Variants in ZNF362 observed in about 807,000 individuals in gnomAD.
The protein encoded by ZNF362 is zinc finger protein 362.
ZNF362 carries 11 observed loss-of-function variants against 42.9 expected under a neutral mutation model. The observed-to-expected ratio is 0.26, with a 90% CI of 0.16 to 0.42. The LOEUF (loss-of-function observed/expected upper bound fraction) is 0.42, where lower values mean the gene tolerates loss of function less well. Among genes scored for constraint, ZNF362 ranks in the 20% least tolerant of loss-of-function variants. The probability of loss-of-function intolerance (pLI) is 1.00; values close to 1 mark genes in which losing one functional copy is unlikely to be tolerated. For synonymous variants in ZNF362, 255 were observed against 257.3 expected (o/e 0.99, Z 0.09); for missense variants, 362 against 576.2 (o/e 0.63, Z 3.81).
At chr1:33,263,846 G>T (rs1451791394) in intron 1 of ZNF362, among the ~76,000 whole-genome samples, 1 of 152,342 alleles carries the variant, frequency 6.6e-6, no homozygotes, top group Non-Finnish European at 1.5e-5. Context: ...TGGGACCTAG[G>T]GAAGTTGCAG....
the ZNF362 span, among the ~76,000 whole-genome samples, chr1:33,241,626 C>T: frequency 6.6e-6 from 1 of 151,872 alleles, no homozygotes; most frequent in East Asian, 1.9e-4. Context: ...TGGAAAAGTC[C>T]ACTAACTATG....
chr1:33,256,354 G>A (rs1645789995), upstream of ZNF362, among the ~76,000 whole-genome samples: 1 of 144,340 alleles, frequency 6.9e-6, no homozygotes, highest in African/African-American at 2.5e-5. Context: ...CGCAGCCGGA[G>A]AGGCGGGGGC....
the ZNF362 span, among the ~76,000 whole-genome samples, chr1:33,151,439 C>T: frequency 3.9e-5 from 6 of 152,118 alleles, no homozygotes; most frequent in Non-Finnish European, 7.4e-5. Flanking sequence ...AACACAGGGT[C>T]TTGGCTCCTG....
At chr1:33,138,093 C>T in the ZNF362 span, among the ~76,000 whole-genome samples, 6 of 152,174 alleles carry the variant, frequency 3.9e-5, no homozygotes, top group East Asian at 1.2e-3. Context: ...GAGGCAAGTG[C>T]TCAGGGACTT....
At chr1:33,132,682 C>T in the ZNF362 span, among the ~76,000 whole-genome samples, 2 of 152,204 alleles carry the variant, frequency 1.3e-5, no homozygotes, top group Admixed American at 1.3e-4. Context: ...TCTTTTCTAA[C>T]CACTGGCTTA....
the ZNF362 span, among the ~76,000 whole-genome samples, chr1:33,128,129 C>T: frequency 6.7e-6 from 1 of 148,682 alleles, no homozygotes; most frequent in Non-Finnish European, 1.5e-5. Context: ...TTTGGGAGGC[C>T]GAAGGTGGAA....
At chr1:33,144,516 C>T in the ZNF362 span, among the ~76,000 whole-genome samples, 1 of 152,234 alleles carries the variant, frequency 6.6e-6, no homozygotes, top group African/African-American at 2.4e-5. Context: ...AAGCAGTGGG[C>T]TAAAATACTG....
chr1:33,158,854 T>A, the ZNF362 span, among the ~76,000 whole-genome samples: 5 of 152,086 alleles, frequency 3.3e-5, no homozygotes, highest in Non-Finnish European at 7.3e-5. Flanking sequence ...TTCTTTTTTT[T>A]TTTGAGACAG....
rs200169222 is a variant in ZNF362, at chr1:33,281,861, C to A, written c.908+50C>A. On this transcript the variant is annotated intron_variant, in intron 6 of 8. Transcript: ENST00000539719. The surrounding 1 kb of genome is among the most constrained non-coding windows in gnomAD (Gnocchi z 4.8). ...CTGCAGCCCGACTCAGCTCAGCACC[C>A]GTGGCCTGGCACATGGAGCCAGTGC... The A allele has an allele frequency of 3.2e-5, 51 of 1,591,252 alleles. No individual in the cohort carries two copies. Among genetic ancestry groups the A allele is most frequent in the Non-Finnish European group, 4.2e-5 (49 of 1,162,534 alleles).
the ZNF362 span, among the ~76,000 whole-genome samples, chr1:33,209,998 A>G: frequency 5.9e-3 from 895 of 151,936 alleles, 11 homozygotes; most frequent in African/African-American, 0.02. Context: ...TTCCTTCTCT[A>G]GTTGTTTTAA....
the ZNF362 span, chr1:33,200,389 A>G: frequency 6.6e-6 from 1 of 152,178 alleles, no homozygotes; most frequent in Non-Finnish European, 1.5e-5. Flanking sequence ...AAGAGAAAAA[A>G]TGGAAGAAAA....
At chr1:33,221,454 C>T in the ZNF362 span, among the ~76,000 whole-genome samples, 5 of 152,202 alleles carry the variant, frequency 3.3e-5, no homozygotes, top group Non-Finnish European at 7.3e-5. Context: ...ACACCCACAT[C>T]ACCAAGATTA....
At chr1:33,213,861 C>A in the ZNF362 span, among the ~76,000 whole-genome samples, 2 of 152,048 alleles carry the variant, frequency 1.3e-5, no homozygotes, top group African/African-American at 4.8e-5. Context: ...CCAAAGCAAA[C>A]CAAAACAAAA....
the ZNF362 span, chr1:33,195,291 G>C: frequency 6.6e-6 from 1 of 152,138 alleles, no homozygotes; most frequent in Admixed American, 6.5e-5. Flanking sequence ...GTGGACTTTA[G>C]CAAGAAAAAA....
At chr1:33,282,620 A>G (rs1646003778) in intron 6 of ZNF362, among the ~76,000 whole-genome samples, 2 of 152,090 alleles carry the variant, frequency 1.3e-5, no homozygotes, top group African/African-American at 2.4e-5. Flanking sequence ...TCAGGAGTTC[A>G]TGACCAGCCT....
At chr1:33,233,590 G>C in the ZNF362 span, among the ~76,000 whole-genome samples, 3 of 152,274 alleles carry the variant, frequency 2.0e-5, no homozygotes, top group South Asian at 6.2e-4. Context: ...TTTTCGTAGA[G>C]ACGGGGTTTC....
At chr1:33,276,203 T>C (rs1645944923) in intron 3 of ZNF362, 40 bp downstream of exon 3, 1 of 1,608,992 alleles carries the variant, frequency 6.2e-7, no homozygotes, top group African/African-American at 1.3e-5. Context: ...CTACCCTCCT[T>C]GGCGCTGCTT....
chr1:33,299,347 T>TTC lies in ZNF362; in HGVS notation c.*301_*302insTC, dbSNP rs60737859. Reference sequence around the variant, plus strand: ...ACTTGCTTCACTGTTTTTTTTTTTTTCGTTTTTTTTTTTTAAGTTTGTTTT... The same window carrying TTC: ...ACTTGCTTCACTGTTTTTTTTTTTTTTCCGTTTTTTTTTTTTAAGTTTGTTTT... On this transcript the variant is annotated 3_prime_UTR_variant, in exon 9 of 9. Coordinates refer to ENST00000539719, the MANE Select transcript of ZNF362 (RefSeq NM_152493.3). 1.3e-5 allele frequency: 3 copies of TTC among 234,244 alleles called. No homozygotes were observed. The highest frequency in any genetic ancestry group is 2.5e-5 in the Non-Finnish European group (3 of 121,266). The allele number at this position is 234,244 out of a possible 1,614,324, so 14.5% of individuals were successfully genotyped here. A position where few individuals can be genotyped will look rare whatever the true frequency, so the allele number is the denominator to read the frequency against.
chr1:33,158,021 C>A, the ZNF362 span, among the ~76,000 whole-genome samples: 1 of 152,208 alleles, frequency 6.6e-6, no homozygotes, highest in Admixed American at 6.5e-5. Context: ...TCCCAAAGTG[C>A]TGGGATTACA....
Sources: allele counts gnomAD v4.1 joint callset (sites outside exome capture counted in the v4.1 genomes callset), GRCh38; gene constraint gnomAD v4.1.1; non-coding constraint Gnocchi (gnomAD v3.1); transcripts MANE v1.5; gene names NCBI Gene and HGNC (gene_info 2026-07-23, HGNC 2026-07-21).